The following OTUD7B variants were observed in gnomAD, a reference collection of about 807,000 sequenced individuals.
OTUD7B encodes OTU domain-containing protein 7B.
In OTUD7B, 34 loss-of-function variants were observed where a neutral mutation model predicts 82.2. The ratio of observed to expected loss-of-function variants is 0.41; its 90% confidence interval spans 0.31 to 0.55. The LOEUF (loss-of-function observed/expected upper bound fraction) is 0.55. Among genes scored for constraint, OTUD7B ranks in the 20% least tolerant of loss-of-function variants. OTUD7B has a pLI of 0.20. For synonymous variants in OTUD7B, 398 were observed against 402.7 expected, an observed-to-expected ratio of 0.99 and a Z score of 0.14; for missense variants, 944 against 1,062.1, an observed-to-expected ratio of 0.89 and a Z score of 1.55.
At chr1:149,957,878 G>A (rs368193350) in intron 7 of OTUD7B, among the ~76,000 whole-genome samples, 11 of 152,200 alleles carry the variant, frequency 7.2e-5, no homozygotes, top group African/African-American at 1.2e-4. Flanking sequence ...TGCTAAGACC[G>A]TTGGAAAAGG....
At chr1:150,054,955 G>T in the OTUD7B span, 1 of 322,588 alleles carries the variant, frequency 3.1e-6, no homozygotes. Flanking sequence ...CAAAATCAAA[G>T]CTATTCCTCA....
At chr1:150,034,924 C>A in the OTUD7B span, among the ~76,000 whole-genome samples, 1 of 151,980 alleles carries the variant, frequency 6.6e-6, no homozygotes, top group South Asian at 2.1e-4. Context: ...AGGAAGATCA[C>A]CTGAAATCAG....
intron 2 of OTUD7B, among the ~76,000 whole-genome samples, chr1:149,972,867 C>T (rs954525568): frequency 6.6e-6 from 1 of 152,220 alleles, no homozygotes; most frequent in Non-Finnish European, 1.5e-5. Context: ...TAACAATCCA[C>T]ATGGCCAAAT....
rs372439997 is a variant in OTUD7B, at chr1:149,944,697, C to G, written c.1692G>C (p.Glu564Asp). 5 of 1,613,872 alleles carry G rather than the reference C, an allele frequency of 3.1e-6. No homozygotes were observed. The highest frequency in any genetic ancestry group is 4.2e-6 in the Non-Finnish European group (5 of 1,180,022). The change falls in exon 12 of 12, where the codon GAG becomes GAC. Residue 564 changes from glutamate (E) to aspartate (D), a missense_variant. Glu to Asp is a conservative substitution (Grantham distance 45). Around this residue, in one of 3 missense-constraint regions of OTUD7B, gnomAD observed 412 missense variants for 418.7 expected, o/e 0.98. Transcript: ENST00000581312. ...ACACAGGCCCATCCCCAGCTGCCTC[C>G]TCCTTGCCACCCTTCCAGCTCTTCA... ...NSLKSWKGGK[E>D]EAAGDGPVSE...
intron 11 of OTUD7B, among the ~76,000 whole-genome samples, chr1:149,945,713 G>A (rs1430223195): frequency 6.6e-6 from 1 of 152,110 alleles, no homozygotes; most frequent in Non-Finnish European, 1.5e-5. Flanking sequence ...AGAAGACTTT[G>A]GACGAAATAA....
Position 149,964,211 on chromosome 1 carries a change from C to T in OTUD7B, c.732+11G>A, listed in dbSNP as rs1553776030. On this transcript the variant is annotated intron_variant, in intron 6 of 11. Transcript: ENST00000581312. ...TTAGGAAACAAGGCGCTCCCACCCA[C>T]GCTCTCCCACCTCTTTATTCTGCTG... The T allele has an allele frequency of 3.1e-6, 5 of 1,610,544 alleles. No individual in the cohort carries two copies. Among genetic ancestry groups the T allele is most frequent in the African/African-American group, 1.3e-5 (1 of 74,934 alleles).
At chr1:149,959,926 A>G in intron 6 of OTUD7B, 130 bp from the exon 7 acceptor site, 3 of 641,570 alleles carry the variant, frequency 4.7e-6, no homozygotes, top group South Asian at 3.7e-5. Flanking sequence ...TTGTACTACA[A>G]AGTCAAATCT....
rs587646912 is a variant in OTUD7B, at chr1:150,007,816, C to CA, written c.-67+2631dup. Among the ~76,000 whole-genome samples the CA allele has an allele frequency of 2.5e-3, 386 of 152,296 alleles. 1 individual carries two copies. Among genetic ancestry groups the CA allele is most frequent in the Admixed American group, 6.7e-3 (102 of 15,290 alleles). ...AATTACCTGAATTTATCAGAGGCTACAAAAAAGATTCCACAGTCTGCTATT... is the reference window on the plus strand; with the variant it reads ...AATTACCTGAATTTATCAGAGGCTACAAAAAAAGATTCCACAGTCTGCTATT... On this transcript the variant is annotated intron_variant, in intron 1 of 11. Coordinates refer to ENST00000581312, the MANE Select transcript of OTUD7B (RefSeq NM_020205.4).
At chr1:150,029,859 C>T in the OTUD7B span, among the ~76,000 whole-genome samples, 3 of 152,234 alleles carry the variant, frequency 2.0e-5, no homozygotes, top group African/African-American at 7.2e-5. Context: ...ATCTGTTTAC[C>T]CCTCATACTC....
At chr1:150,011,331 TTTG>T (rs1266132663), upstream of OTUD7B, among the ~76,000 whole-genome samples, 5 of 152,232 alleles carry the variant, frequency 3.3e-5, no homozygotes, top group Non-Finnish European at 7.3e-5. Flanking sequence ...TTCTAGTGCG[TTTG>T]TTATGTCTTT....
At chr1:150,051,012 TG>T in the OTUD7B span, among the ~76,000 whole-genome samples, 1 of 151,606 alleles carries the variant, frequency 6.6e-6, no homozygotes, top group Non-Finnish European at 1.5e-5. Context: ...GTGGATCACC[TG>T]AAGTTAGGAA....
At chr1:150,025,054 AAAAAC>A in the OTUD7B span, among the ~76,000 whole-genome samples, 1 of 150,578 alleles carries the variant, frequency 6.6e-6, no homozygotes, top group Non-Finnish European at 1.5e-5. Flanking sequence ...TCTCAAAAAC[AAAAAC>A]AAAACAAAAC....
the OTUD7B span, chr1:150,048,575 T>C: frequency 2.0e-5 from 3 of 151,932 alleles, no homozygotes; most frequent in African/African-American, 7.2e-5. Context: ...ATAAATAAAA[T>C]TAGCACAGTG....
the OTUD7B span, among the ~76,000 whole-genome samples, chr1:150,020,765 C>A: frequency 6.6e-6 from 1 of 152,174 alleles, no homozygotes; most frequent in Non-Finnish European, 1.5e-5. Context: ...ACTGATTTAT[C>A]TTGAAAATTT....
chr1:149,938,483 A>AAAAAAAAAAAAG lies in OTUD7B; in HGVS notation c.*5373_*5374insCTTTTTTTTTTT, dbSNP rs1296913338. ...CGCAAAAAAAAAAAAAAAAAAAAAG[A>AAAAAAAAAAAAG]CATAGGAAGAGGTGTGTACCATAAC... On this transcript the variant is annotated 3_prime_UTR_variant, in exon 12 of 12. Transcript: ENST00000581312. The AAAAAAAAAAAAG allele has an allele frequency of 1.1e-4, 9 of 82,920 alleles. 3 individuals are homozygous for AAAAAAAAAAAAG. In the East Asian group the frequency reaches 1.3e-3, roughly 12 times the overall value. The allele number at this position is 82,920 out of a possible 1,614,324, so 5.1% of individuals were successfully genotyped here. A position where few individuals can be genotyped will look rare whatever the true frequency, so the allele number is the denominator to read the frequency against.
intron 11 of OTUD7B, 35 bp from the exon 12 acceptor site, chr1:149,945,100 C>T (rs1371807969): frequency 3.1e-6 from 5 of 1,590,420 alleles, no homozygotes; most frequent in East Asian, 2.2e-5. Flanking sequence ...ACAGTTATCC[C>T]AGCAGCCTGG....
intron 1 of OTUD7B, among the ~76,000 whole-genome samples, chr1:149,985,038 G>A (rs1057175042): frequency 6.6e-6 from 1 of 152,080 alleles, no homozygotes; most frequent in Non-Finnish European, 1.5e-5. Flanking sequence ...AATTTAAAAT[G>A]CCAGTATTAT....
At chr1:150,054,828 A>AAAAAAAAAAAAAAC in the OTUD7B span, 1 of 171,946 alleles carries the variant, frequency 5.8e-6, no homozygotes, top group African/African-American at 2.4e-5. Context: ...AAAAAAAAAA[A>AAAAAAAAAAAAAAC]AGACGCTGCA....
At position 149,939,688 on chromosome 1, in the gene OTUD7B, G is replaced by A. The variant is rs2092748875; in HGVS notation, c.*4169C>T. 6.6e-6 allele frequency: 1 copy of A among 152,396 alleles called. No homozygotes were observed. The allele number at this position is 152,396 out of a possible 1,614,324, so 9.4% of individuals were successfully genotyped here. ...CTCATGCCTGTAATCCCAGCACTTTGGGAGGCCGAGGCTGGCGGATCACCT... is the reference window on the plus strand; with the variant it reads ...CTCATGCCTGTAATCCCAGCACTTTAGGAGGCCGAGGCTGGCGGATCACCT... On this transcript the variant is annotated 3_prime_UTR_variant, in exon 12 of 12. Transcript: ENST00000581312.
Sources: allele counts gnomAD v4.1 joint callset (sites outside exome capture counted in the v4.1 genomes callset), GRCh38; gene constraint gnomAD v4.1.1; regional missense constraint gnomAD v4.1.1; transcripts MANE v1.5; gene names NCBI Gene and HGNC (gene_info 2026-07-23, HGNC 2026-07-21).